Variants in NAALADL2 observed in about 807,000 individuals in gnomAD.
NAALADL2 encodes inactive N-acetylated-alpha-linked acidic dipeptidase-like protein 2.
NAALADL2 carries 76 observed loss-of-function variants against 87.2 expected under a neutral mutation model. The ratio of observed to expected loss-of-function variants is 0.87; its 90% confidence interval spans 0.72 to 1.05. The LOEUF (loss-of-function observed/expected upper bound fraction) is 1.05, where lower values mean the gene tolerates loss of function less well. Ranked by LOEUF, NAALADL2 falls within the 50% of genes least tolerant of loss-of-function variation. NAALADL2 has a pLI of 0.00. For synonymous variants in NAALADL2, 354 were observed against 331.0 expected, an observed-to-expected ratio of 1.07 and a Z score of -0.75; for missense variants, 1,089 against 945.8, an observed-to-expected ratio of 1.15 and a Z score of -1.99.
chr3:174,858,014 T>G (rs551241252), upstream of NAALADL2, among the ~76,000 whole-genome samples: 1 of 151,404 alleles, frequency 6.6e-6, no homozygotes, highest in East Asian at 1.9e-4. Context: ...TTTTTCAAAT[T>G]AAAAAGCAAT....
chr3:175,538,272 A>G (rs559940609), intron 9 of NAALADL2, among the ~76,000 whole-genome samples: 1 of 152,238 alleles, frequency 6.6e-6, no homozygotes, highest in South Asian at 2.1e-4. Flanking sequence ...TTTAATGTAT[A>G]CCTTTTAATG....
Position 175,665,931 on chromosome 3 carries a change from C to G in NAALADL2, c.1896+38545C>G, listed in dbSNP as rs569545232. ...GGCAACAGAGTGGGACTCTGTCCCC[C>G]CCCCAAAAAAAAGGTTTTATTATAT... is the stretch of plus-strand genomic sequence containing the variant. On this transcript the variant is annotated intron_variant, in intron 11 of 13. Coordinates refer to ENST00000454872, the MANE Select transcript of NAALADL2 (RefSeq NM_207015.3). Among the ~76,000 whole-genome samples the G allele has an allele frequency of 3.3e-5, 5 of 151,444 alleles. No homozygotes were observed. In the East Asian group the frequency reaches 7.8e-4, roughly 24 times the overall value.
intron 1 of NAALADL2, among the ~76,000 whole-genome samples, chr3:174,954,724 A>G (rs1237588814): frequency 2.6e-5 from 4 of 152,132 alleles, no homozygotes; most frequent in African/African-American, 9.6e-5. Flanking sequence ...TAATGTGAAC[A>G]TGGAGAGTAG....
At chr3:175,373,276 G>A (rs909836595) in intron 5 of NAALADL2, among the ~76,000 whole-genome samples, 2 of 152,098 alleles carry the variant, frequency 1.3e-5, no homozygotes, top group African/African-American at 4.8e-5. Flanking sequence ...TACAAGGAAC[G>A]TTTTTAACAC....
At chr3:174,554,660 T>C (rs1487498314) in intron 2 of NAALADL2, among the ~76,000 whole-genome samples, 1 of 151,756 alleles carries the variant, frequency 6.6e-6, no homozygotes, top group Non-Finnish European at 1.5e-5. Flanking sequence ...TTTGTGAGGG[T>C]GTTTTAAAGT....
At position 174,672,571 on chromosome 3, in the gene NAALADL2, C is replaced by T. The variant is rs928809146; in HGVS notation, c.-114-65070C>T. Among the ~76,000 whole-genome samples the T allele has an allele frequency of 3.3e-5, 5 of 151,666 alleles. No individual in the cohort carries two copies. In the East Asian group the frequency reaches 7.7e-4, roughly 23 times the overall value. On this transcript the variant is annotated intron_variant, in intron 2 of 3. Coordinates refer to the NAALADL2 transcript ENST00000434257. ...ATCATGATGATGATAATGGGGTGTG[C>T]GTATTATATGTTAGGCCGAAATACT...
At chr3:175,004,457 T>C (rs1748731231) in intron 1 of NAALADL2, among the ~76,000 whole-genome samples, 1 of 144,506 alleles carries the variant, frequency 6.9e-6, no homozygotes. Flanking sequence ...TTTTTGCGAG[T>C]GTGTGGCGTT....
chr3:175,649,934 T>C (rs936259538), intron 11 of NAALADL2, among the ~76,000 whole-genome samples: 2 of 151,900 alleles, frequency 1.3e-5, no homozygotes, highest in African/African-American at 4.8e-5. Flanking sequence ...TTATATACTA[T>C]GGTACAATAT....
At chr3:175,137,766 G>GTTTTTT (rs113841309) in intron 2 of NAALADL2, among the ~76,000 whole-genome samples, 3 of 151,034 alleles carry the variant, frequency 2.0e-5, no homozygotes, top group Non-Finnish European at 4.4e-5. Flanking sequence ...ACCCAGCTAA[G>GTTTTTT]TTTGTTTTGT....
chr3:175,392,843 C>A (rs1261865144), intron 5 of NAALADL2, among the ~76,000 whole-genome samples: 1 of 152,152 alleles, frequency 6.6e-6, no homozygotes, highest in Non-Finnish European at 1.5e-5. Flanking sequence ...TTAGTGAGCA[C>A]AGGACAAACC....
intron 2 of NAALADL2, among the ~76,000 whole-genome samples, chr3:175,191,062 A>G (rs1318824592): frequency 6.6e-6 from 1 of 152,098 alleles, no homozygotes; most frequent in African/African-American, 2.4e-5. Context: ...TAACACAAGA[A>G]CTATGGTTAA....
intron 1 of NAALADL2, among the ~76,000 whole-genome samples, chr3:175,052,351 T>A (rs2109025954): frequency 6.6e-6 from 1 of 152,280 alleles, no homozygotes; most frequent in Non-Finnish European, 1.5e-5. Context: ...TTATGGCAAG[T>A]TTTGGGGCCA....
At chr3:174,984,645 A>T (rs538961510) in intron 1 of NAALADL2, among the ~76,000 whole-genome samples, 29 of 151,652 alleles carry the variant, frequency 1.9e-4, no homozygotes, top group African/African-American at 7.0e-4. Context: ...ATTGATATCA[A>T]TTTTTTTTTC....
At chr3:174,508,349 G>C (rs959477968) in intron 1 of NAALADL2, among the ~76,000 whole-genome samples, 1 of 152,032 alleles carries the variant, frequency 6.6e-6, no homozygotes, top group African/African-American at 2.4e-5. Flanking sequence ...TCCTGACCTT[G>C]TGATCCGCCC....
intron 2 of NAALADL2, among the ~76,000 whole-genome samples, chr3:174,661,444 A>G (rs1725493402): frequency 6.6e-6 from 1 of 152,210 alleles, no homozygotes; most frequent in Non-Finnish European, 1.5e-5. Context: ...ATTCTTTAAT[A>G]ACTTTTTACT....
intron 11 of NAALADL2, among the ~76,000 whole-genome samples, chr3:175,729,139 TA>T (rs943843373): frequency 5.3e-4 from 81 of 152,338 alleles, no homozygotes; most frequent in African/African-American, 1.8e-3. Context: ...ACTTCTTTTT[TA>T]ACTTAATTTT....
intron 4 of NAALADL2, among the ~76,000 whole-genome samples, chr3:175,287,679 G>T (rs1485011997): frequency 6.6e-6 from 1 of 152,168 alleles, no homozygotes; most frequent in African/African-American, 2.4e-5. Flanking sequence ...TATCCAGAAA[G>T]CCCTACAATA....
chr3:175,737,730 T>G (rs1172153188), intron 12 of NAALADL2, among the ~76,000 whole-genome samples: 1 of 142,712 alleles, frequency 7.0e-6, no homozygotes, highest in Non-Finnish European at 1.5e-5. Context: ...TTTTTTTTTT[T>G]TTTTTTTTTT....
chr3:174,794,781 ATAAG>A (rs1234067076), intron 3 of NAALADL2, among the ~76,000 whole-genome samples: 3 of 152,142 alleles, frequency 2.0e-5, no homozygotes, highest in African/African-American at 7.2e-5. Flanking sequence ...TCTTAGCACT[ATAAG>A]TAAGATATTG....
Sources: allele counts gnomAD v4.1 joint callset (sites outside exome capture counted in the v4.1 genomes callset), GRCh38; gene constraint gnomAD v4.1.1; transcripts MANE v1.5; gene names NCBI Gene and HGNC (gene_info 2026-07-23, HGNC 2026-07-21).